ODAD4: variants seen among roughly 807,000 people sequenced by gnomAD.
ODAD4 encodes outer dynein arm docking complex subunit 4, also known as outer dynein arm-docking complex subunit 4.
Under a neutral mutation model 51.8 loss-of-function variants are expected in ODAD4, and 49 were observed. That is an observed-to-expected ratio of 0.95 (90% CI 0.75 to 1.20). ODAD4 has a LOEUF of 1.20. Among genes scored for constraint, ODAD4 ranks in the 50% most tolerant of loss-of-function variants. ODAD4 has a pLI of 0.00. For synonymous variants in ODAD4, 235 were observed against 221.3 expected (o/e 1.06, Z -0.55); for missense variants, 590 against 586.5 (o/e 1.01, Z -0.06).
At chr17:41,947,095 CCA>C (rs1228832371) in intron 8 of ODAD4, among the ~76,000 whole-genome samples, 41 of 151,472 alleles carry the variant, frequency 2.7e-4, no homozygotes, top group Non-Finnish European at 5.7e-4. Flanking sequence ...GGTGATCCGC[CCA>C]CCTCAGCCTC....
chr17:41,955,025 G>A (rs1555640777), intron 9 of ODAD4, 192 bp from the exon 10 acceptor site: 1 of 696,718 alleles, frequency 1.4e-6, no homozygotes, highest in Non-Finnish European at 2.6e-6. Context: ...TCTCGATGGT[G>A]ACATAGCCCA....
chr17:41,931,201 C>A (rs2050331510), intron 1 of ODAD4, among the ~76,000 whole-genome samples: 1 of 151,996 alleles, frequency 6.6e-6, no homozygotes. Flanking sequence ...GCCCCCTGCC[C>A]TCACCTTTTG....
At chr17:41,950,945 A>G (rs2050643114) in intron 9 of ODAD4, among the ~76,000 whole-genome samples, 1 of 150,608 alleles carries the variant, frequency 6.6e-6, no homozygotes, top group Non-Finnish European at 1.5e-5. Context: ...TCTGACCTCA[A>G]GTGATCTGCC....
chr17:41,963,376 G>A lies in ODAD4; in HGVS notation c.1529-1617G>A, dbSNP rs527441714. Among the ~76,000 whole-genome samples, 6 of 152,116 alleles carry A rather than the reference G, an allele frequency of 3.9e-5. No homozygotes were observed. In the South Asian group the frequency reaches 6.2e-4, roughly 16 times the overall value. On this transcript the variant is annotated intron_variant, in intron 11 of 11. Transcript: ENST00000377540. Reference sequence around the variant, plus strand: ...TTCAGCTGAACTTTTTGTTAGCAGCGTATATCTTTATAGGAAACCTATCTT... The same window carrying A: ...TTCAGCTGAACTTTTTGTTAGCAGCATATATCTTTATAGGAAACCTATCTT...
Position 41,930,629 on chromosome 17 carries a change from A to T in ODAD4, c.-95A>T, listed in dbSNP as rs1357602380. The T allele has an allele frequency of 1.2e-6, 1 of 823,978 alleles. No individual in the cohort carries two copies. Among genetic ancestry groups the T allele is most frequent in the Middle Eastern group, 2.4e-4 (1 of 4,172 alleles). The allele number at this position is 823,978 out of a possible 1,614,324, so 51.0% of individuals were successfully genotyped here. Reference sequence around the variant, plus strand: ...GGAACCGGAAGTCGCTGTACATCTCATGGTTGCTAAGAAACGGAGCTTCCA... The same window carrying T: ...GGAACCGGAAGTCGCTGTACATCTCTTGGTTGCTAAGAAACGGAGCTTCCA... On this transcript the variant is annotated 5_prime_UTR_variant, in exon 1 of 12. The change abolishes an upstream ATG in the 5' untranslated region. Transcript: ENST00000377540.
intron 7 of ODAD4, among the ~76,000 whole-genome samples, chr17:41,942,216 G>A (rs940797027): frequency 7.2e-5 from 11 of 152,274 alleles, no homozygotes; most frequent in South Asian, 4.1e-4. Flanking sequence ...GATGACAGGT[G>A]TGAGCCACCA....
At chr17:41,931,653 T>C (rs1209569533) in intron 1 of ODAD4, among the ~76,000 whole-genome samples, 1 of 152,016 alleles carries the variant, frequency 6.6e-6, no homozygotes, top group Admixed American at 6.5e-5. Context: ...GCGATTTTCC[T>C]GCCTCAGCCT....
chr17:41,930,654 A>T lies in ODAD4; in HGVS notation c.-70A>T. 1 of 1,052,062 alleles carries T rather than the reference A, an allele frequency of 9.5e-7. No homozygotes were observed. Among genetic ancestry groups the T allele is most frequent in the Non-Finnish European group, 1.4e-6 (1 of 699,940 alleles). The allele number at this position is 1,052,062 out of a possible 1,614,324, so 65.2% of individuals were successfully genotyped here. A position where few individuals can be genotyped will look rare whatever the true frequency, so the allele number is the denominator to read the frequency against. On this transcript the variant is annotated 5_prime_UTR_variant, in exon 1 of 12. Transcript: ENST00000377540. ...ATGGTTGCTAAGAAACGGAGCTTCC[A>T]CAAACCAGATAGAGGTTCTCCAGCT...
intron 5 of ODAD4, among the ~76,000 whole-genome samples, chr17:41,938,035 G>A (rs2050451393): frequency 6.6e-6 from 1 of 152,234 alleles, no homozygotes; most frequent in South Asian, 2.1e-4. Context: ...ATTCTCCAGA[G>A]GACCCGCTGC....
chr17:41,954,836 G>A (rs2050706464), intron 9 of ODAD4, among the ~76,000 whole-genome samples: 1 of 145,424 alleles, frequency 6.9e-6, no homozygotes, highest in Non-Finnish European at 1.5e-5. Flanking sequence ...GGCAACAAGA[G>A]TGAAACTCTG....
At chr17:41,945,113 C>T (rs782212433) in intron 7 of ODAD4, 23 bp from the exon 8 acceptor site, 1 of 1,594,294 alleles carries the variant, frequency 6.3e-7, no homozygotes, top group South Asian at 1.1e-5. Context: ...TAGTGAATGG[C>T]TTGTTTTGCT....
Position 41,938,674 on chromosome 17 carries a change from G to A in ODAD4, c.743G>A (p.Arg248Lys). ...FWRQQKPIYA[R>K]ERDRKLMQEK... Reference sequence around the variant, plus strand: ...AGGCAGCAGAAGCCGATCTACGCCAGGGAGCGGGACCGGAAGCTGATGCAA... The same window carrying A: ...AGGCAGCAGAAGCCGATCTACGCCAAGGAGCGGGACCGGAAGCTGATGCAA... The change falls in exon 6 of 12, where the codon AGG (arginine) becomes AAG (lysine). Residue 248 changes from arginine to lysine, a missense_variant. Physicochemically the swap from Arg to Lys is conservative, Grantham distance 26 (BLOSUM62 2). This residue lies in a region of ODAD4 where 360 missense variants were observed against 407.5 expected (regional missense o/e 0.88). Transcript: ENST00000377540. 1 of 1,613,984 alleles carries A rather than the reference G, an allele frequency of 6.2e-7. No individual in the cohort carries two copies. The highest frequency in any genetic ancestry group is 1.1e-5 in the South Asian group (1 of 91,076).
chr17:41,944,444 A>ACACACACCC (rs1191101800), intron 7 of ODAD4, among the ~76,000 whole-genome samples: 140 of 19,462 alleles, frequency 7.2e-3, no homozygotes, highest in Non-Finnish European at 0.011. Context: ...ACACACACAC[A>ACACACACCC]CCCCCCCGCA....
chr17:41,936,887 C>T lies in ODAD4; in HGVS notation c.585C>T (p.Tyr195=), dbSNP rs372198587. Residue 195 remains tyrosine (Y), a synonymous_variant, in exon 5 of 12, where the codon TAC becomes TAT. Coordinates refer to ENST00000377540, the MANE Select transcript of ODAD4 (RefSeq NM_031421.5). ...TCCGCCAGCTTCTGGGGGAGCTCTA[C>T]GTGGACAAAGAGTATTTGGAGAAGC... ...KTVRQLLGEL[Y]VDKEYLEKLL... The T allele has an allele frequency of 1.2e-5, 20 of 1,613,838 alleles. No homozygotes were observed. The highest frequency in any genetic ancestry group is 2.2e-5 in the South Asian group (2 of 91,086).
At chr17:41,944,366 AAAAC>A (rs1452125101) in intron 7 of ODAD4, among the ~76,000 whole-genome samples, 33 of 151,122 alleles carry the variant, frequency 2.2e-4, no homozygotes, top group South Asian at 4.2e-4. Context: ...TCTGTCTCAA[AAAAC>A]AAACAAACCC....
intron 8 of ODAD4, among the ~76,000 whole-genome samples, chr17:41,948,705 A>C (rs894914685): frequency 2.0e-5 from 3 of 151,788 alleles, no homozygotes; most frequent in Non-Finnish European, 4.4e-5. Context: ...CAGTGGCATA[A>C]TCTTGGCTCA....
intron 10 of ODAD4, among the ~76,000 whole-genome samples, chr17:41,957,947 A>G (rs1457806951): frequency 6.6e-6 from 1 of 151,848 alleles, no homozygotes; most frequent in Non-Finnish European, 1.5e-5. Flanking sequence ...TTTAATTTTT[A>G]TTTTTTGTAG....
chr17:41,944,712 C>T (rs933994095), intron 7 of ODAD4, among the ~76,000 whole-genome samples: 2 of 151,922 alleles, frequency 1.3e-5, no homozygotes, highest in Admixed American at 1.3e-4. Context: ...ATTGCTTGAA[C>T]CCGGCAGGTA....
chr17:41,959,464 C>T lies in ODAD4; in HGVS notation c.1444-1918C>T, dbSNP rs1260308224. Reference sequence around the variant, plus strand: ...AGCAAAGGGGCATGGCCTCAGGGACCAGCCTGGGGTCTGCAGGCACTGGGC... The same window carrying T: ...AGCAAAGGGGCATGGCCTCAGGGACTAGCCTGGGGTCTGCAGGCACTGGGC... On this transcript the variant is annotated intron_variant, in intron 10 of 11. Coordinates refer to ENST00000377540, the MANE Select transcript of ODAD4 (RefSeq NM_031421.5). Among the ~76,000 whole-genome samples the T allele has an allele frequency of 1.3e-4, 20 of 152,216 alleles. 1 individual carries two copies. Among genetic ancestry groups the T allele is most frequent in the Admixed American group, 1.3e-3 (20 of 15,276 alleles).
Sources: gnomAD v4.1 joint callset for allele counts (sites outside exome capture counted in the v4.1 genomes callset) on GRCh38, gnomAD v4.1.1 for gene constraint, gnomAD v4.1.1 regional missense constraint, MANE v1.5 for transcripts, NCBI Gene and HGNC (gene_info 2026-07-23, HGNC 2026-07-21) for gene names.